OR10G3: variants seen among roughly 807,000 people sequenced by gnomAD.
OR10G3 encodes the protein olfactory receptor 10G3.
In OR10G3, 8 loss-of-function variants were observed where a neutral mutation model predicts 13.4. The observed-to-expected ratio is 0.60, with a 90% CI of 0.35 to 1.08. OR10G3 has a LOEUF of 1.08. OR10G3 is among the 50% of genes least tolerant of loss of function. The pLI, the probability that OR10G3 is intolerant of heterozygous loss-of-function variation, is 0.02. For synonymous variants in OR10G3, 142 were observed against 156.1 expected (o/e 0.91, Z 0.67); for missense variants, 393 against 386.6 (o/e 1.02, Z -0.14).
Position 21,570,567 on chromosome 14 carries a change from T to C in OR10G3, c.178A>G (p.Met60Val). 2 of 1,614,024 alleles carry C rather than the reference T, an allele frequency of 1.2e-6. No individual in the cohort carries two copies. Among genetic ancestry groups the C allele is most frequent in the Non-Finnish European group, 1.7e-6 (2 of 1,180,012 alleles). ...WADPRLHARPMYIFLGVLSVI... is the reference protein window; with the variant it reads ...WADPRLHARPVYIFLGVLSVI... ...GAGAGAACACCAAGAAAGATGTACA[T>C]GGGGCGGGCATGGAGCCTTGGGTCT... Residue 60 changes from methionine (M) to valine (V), a missense_variant, in exon 2 of 2, where the codon ATG becomes GTG. Coordinates refer to ENST00000641040, the MANE Select transcript of OR10G3 (RefSeq NM_001005465.2).
intron 1 of OR10G3, among the ~76,000 whole-genome samples, chr14:21,571,211 G>A (rs17107712): frequency 0.015 from 2,267 of 152,244 alleles, 45 homozygotes; most frequent in African/African-American, 0.048. Context: ...TGCTCTGCCC[G>A]CTCAGAATCT....
In OR10G3 at chr14:21,570,436, A is replaced by G. The variant is rs114273821; in HGVS notation, c.309T>C (p.Tyr103=). The G allele has an allele frequency of 3.2e-4, 516 of 1,614,052 alleles. 3 individuals carry two copies. In the African/African-American group the frequency reaches 6.2e-3, roughly 19 times the overall value. The change falls in exon 2 of 2, where the codon TAT becomes TAC. Residue 103 remains tyrosine (Y), a synonymous_variant. Transcript: ENST00000641040. ...IPFGGCVAQL[Y]FYHFLGSTQC... ...GGGTGCTGCCCAGGAAGTGATAGAA[A>G]TAGAGTTGAGCAACACAGCCACCAA... is the stretch of plus-strand genomic sequence containing the variant.
chr14:21,575,540 C>A (rs1484161416), intron 1 of OR10G3, among the ~76,000 whole-genome samples: 1 of 151,532 alleles, frequency 6.6e-6, no homozygotes, highest in Non-Finnish European at 1.5e-5. Flanking sequence ...GCCACCATGC[C>A]CGGCTAATTT....
In OR10G3 at chr14:21,568,857, GC is replaced by G. The variant is rs1893030106; in HGVS notation, c.*945del. 1 of 151,436 alleles carries G rather than the reference GC, an allele frequency of 6.6e-6. No homozygotes were observed. 9.4% of individuals were successfully genotyped at this position (151,436 alleles called of 1,614,324 possible). A position where few individuals can be genotyped will look rare whatever the true frequency, so the allele number is the denominator to read the frequency against. ...TCTCTGAGTAGCTGGGACTACAGGC[GC>G]CCGCCACCACACCCGGCTAATTTTT... On this transcript the variant is annotated 3_prime_UTR_variant, in exon 2 of 2. Transcript: ENST00000641040.
At chr14:21,576,611 G>A (rs1291799927) in intron 1 of OR10G3, among the ~76,000 whole-genome samples, 1 of 151,846 alleles carries the variant, frequency 6.6e-6, no homozygotes, top group Non-Finnish European at 1.5e-5. Flanking sequence ...ATTTCCATTG[G>A]CTCTTTTTCA....
At chr14:21,572,406 G>A (rs148951530) in intron 1 of OR10G3, among the ~76,000 whole-genome samples, 1 of 148,792 alleles carries the variant, frequency 6.7e-6, no homozygotes, top group Non-Finnish European at 1.5e-5. Flanking sequence ...AGACCAGTCT[G>A]GCCAATATGG....
chr14:21,570,787 A>G, intron 1 of OR10G3, 26 bp from the exon 2 acceptor site: 1 of 1,324,710 alleles, frequency 7.5e-7, no homozygotes, highest in Non-Finnish European at 1.0e-6. Flanking sequence ...AACAAGAATT[A>G]ACATAGAGGT....
chr14:21,576,503 G>A (rs1893130506), intron 1 of OR10G3, among the ~76,000 whole-genome samples: 1 of 152,192 alleles, frequency 6.6e-6, no homozygotes. Flanking sequence ...TTCAGATACA[G>A]TTATCTTTTT....
intron 1 of OR10G3, among the ~76,000 whole-genome samples, chr14:21,571,736 A>G (rs1361535624): frequency 6.6e-6 from 1 of 151,842 alleles, no homozygotes; most frequent in African/African-American, 2.4e-5. Flanking sequence ...GTGCAATAGC[A>G]TGATCTCAGC....
At chr14:21,577,967 G>C (rs116826815) in intron 1 of OR10G3, among the ~76,000 whole-genome samples, 250 of 151,832 alleles carry the variant, frequency 1.6e-3, no homozygotes, top group Non-Finnish European at 2.9e-3. Context: ...ACACCATTGC[G>C]TTCCAGTCTG....
In OR10G3 at chr14:21,570,177, A is replaced by G; in HGVS notation, c.568T>C (p.Cys190Arg). Residue 190 changes from cysteine (C) to arginine (R), a missense_variant, in exon 2 of 2, where the codon TGT (cysteine) becomes CGT (arginine). Cys to Arg is a radical substitution (Grantham distance 180, BLOSUM62 -3). Transcript: ENST00000641040. ...AGCTCGTTGACTGTTGTGTCAGCAC[A>G]GGCCAGTCTCAACACTGCAGGGATG... Reference protein sequence around the residue: ...CDIPAVLRLACADTTVNELVT... With the variant: ...CDIPAVLRLARADTTVNELVT... 1 of 1,614,228 alleles carries G rather than the reference A, an allele frequency of 6.2e-7. No individual in the cohort carries two copies. The highest frequency in any genetic ancestry group is 8.5e-7 in the Non-Finnish European group (1 of 1,180,036).
chr14:21,572,856 A>C (rs7156589), intron 1 of OR10G3, among the ~76,000 whole-genome samples: 12,989 of 152,192 alleles, frequency 0.085, 715 homozygotes, highest in South Asian at 0.21. Context: ...AAGATAAGAT[A>C]ATATGATGCC....
At chr14:21,575,788 A>G (rs547900661) in intron 1 of OR10G3, among the ~76,000 whole-genome samples, 2 of 152,318 alleles carry the variant, frequency 1.3e-5, no homozygotes, top group African/African-American at 4.8e-5. Context: ...AAAAAAAGGC[A>G]GTAAATCCCG....
chr14:21,572,003 G>T (rs1245908479), intron 1 of OR10G3, among the ~76,000 whole-genome samples: 1 of 151,704 alleles, frequency 6.6e-6, no homozygotes, highest in Non-Finnish European at 1.5e-5. Context: ...TAAAGAAAAG[G>T]GTTGGCGGGT....
intron 1 of OR10G3, among the ~76,000 whole-genome samples, chr14:21,575,346 G>C (rs1457685425): frequency 7.3e-6 from 1 of 137,354 alleles, no homozygotes; most frequent in African/African-American, 2.8e-5. Flanking sequence ...CTCCCAAAGT[G>C]CTGGGATTAC....
chr14:21,572,608 C>CAAAA (rs397852312), intron 1 of OR10G3, among the ~76,000 whole-genome samples: 1,476 of 110,022 alleles, frequency 0.013, no homozygotes, highest in African/African-American at 0.019. Flanking sequence ...AACAAACAAA[C>CAAAA]AAAAAAAAAA....
At chr14:21,577,746 C>T (rs188623188) in intron 1 of OR10G3, among the ~76,000 whole-genome samples, 16 of 151,526 alleles carry the variant, frequency 1.1e-4, no homozygotes, top group Admixed American at 2.6e-4. Flanking sequence ...CGGTGGCTCA[C>T]GCCTGTAATC....
At chr14:21,572,608 CAAAAAAAAAAAAAA>C (rs397852312) in intron 1 of OR10G3, among the ~76,000 whole-genome samples, 2 of 110,486 alleles carry the variant, frequency 1.8e-5, no homozygotes, top group African/African-American at 7.0e-5. Context: ...AACAAACAAA[CAAAAAAAAAAAAAA>C]AAAAAAAAAG....
At chr14:21,571,672 A>C (rs901074626) in intron 1 of OR10G3, among the ~76,000 whole-genome samples, 1 of 144,390 alleles carries the variant, frequency 6.9e-6, no homozygotes, top group South Asian at 2.3e-4. Context: ...CAACTCCTTG[A>C]TTCGCATTTC....
Sources: allele counts gnomAD v4.1 joint callset (sites outside exome capture counted in the v4.1 genomes callset), GRCh38; gene constraint gnomAD v4.1.1; transcripts MANE v1.5; gene names NCBI Gene and HGNC (gene_info 2026-07-23, HGNC 2026-07-21).